The following SLC4A4 variants were observed in gnomAD, a reference collection of about 807,000 sequenced individuals.
SLC4A4 encodes solute carrier family 4 member 4.
Under a neutral mutation model 111.5 loss-of-function variants are expected in SLC4A4, and 27 were observed. The observed-to-expected ratio is 0.24, with a 90% CI of 0.18 to 0.33. The LOEUF is 0.33. Among genes scored for constraint, SLC4A4 ranks in the 10% least tolerant of loss-of-function variants. The probability of loss-of-function intolerance (pLI) is 1.00; values close to 1 mark genes in which losing one functional copy is unlikely to be tolerated. For synonymous variants in SLC4A4, 443 were observed against 463.4 expected (o/e 0.96, Z 0.57); for missense variants, 909 against 1,315.5 (o/e 0.69, Z 4.78).
chr4:71,227,822 A>T (rs1278510225), intron 1 of SLC4A4, among the ~76,000 whole-genome samples: 2 of 152,190 alleles, frequency 1.3e-5, no homozygotes, highest in South Asian at 2.1e-4. Context: ...AAGAAGGGTG[A>T]TTGAAAGCTA....
chr4:71,405,292 A>G (rs759454098), intron 7 of SLC4A4, among the ~76,000 whole-genome samples: 2 of 152,150 alleles, frequency 1.3e-5, no homozygotes, highest in Non-Finnish European at 2.9e-5. Context: ...AACTGCCATT[A>G]GCAGCTTGAT....
chr4:71,164,776 A>G (rs1744699768), intron 2 of SLC4A4, among the ~76,000 whole-genome samples: 1 of 152,198 alleles, frequency 6.6e-6, no homozygotes, highest in South Asian at 2.1e-4. Flanking sequence ...AACCCACAGA[A>G]TGGGAGAAAG....
At position 71,569,397 on chromosome 4, in the gene SLC4A4, G is replaced by A. The variant is rs1737763102; in HGVS notation, c.*1646G>A. ...CATGCAATTTTTTTCAGGATGCAAA[G>A]GCAATTATTCTTTGTAAGCGGGACA... On this transcript the variant is annotated 3_prime_UTR_variant, in exon 26 of 26. Coordinates refer to ENST00000264485, the MANE Select transcript of SLC4A4 (RefSeq NM_001098484.3). The A allele has an allele frequency of 6.6e-6, 1 of 151,454 alleles. No individual in the cohort carries two copies. The highest frequency in any genetic ancestry group is 2.4e-5 in the African/African-American group (1 of 41,310). The allele number at this position is 151,454 out of a possible 1,614,324, so 9.4% of individuals were successfully genotyped here.
At position 71,097,862 on chromosome 4, in the gene SLC4A4, C is replaced by A. The variant is rs141993460; in HGVS notation, c.-2+5070C>A. Among the ~76,000 whole-genome samples, 5 of 152,010 alleles carry A rather than the reference C, an allele frequency of 3.3e-5. No individual in the cohort carries two copies. The East Asian group carries it at 7.7e-4, about 24-fold the overall frequency. On this transcript the variant is annotated intron_variant, in intron 2 of 26. Coordinates refer to the SLC4A4 transcript ENST00000649996. ...TGTTCATGTCCTTTGCCCACTTTTTCATGGGATTGAAGTTTTTCTCGTATA... is the reference window on the plus strand; with the variant it reads ...TGTTCATGTCCTTTGCCCACTTTTTAATGGGATTGAAGTTTTTCTCGTATA...
At chr4:71,566,238 T>C (rs998855059) in intron 24 of SLC4A4, among the ~76,000 whole-genome samples, 2 of 141,786 alleles carry the variant, frequency 1.4e-5, no homozygotes, top group African/African-American at 5.1e-5. Flanking sequence ...CTTTTTGAGT[T>C]TAAACTCCTC....
chr4:71,165,855 G>A (rs766167608), intron 2 of SLC4A4, among the ~76,000 whole-genome samples: 6 of 151,682 alleles, frequency 4.0e-5, no homozygotes, highest in African/African-American at 9.7e-5. Flanking sequence ...TGCTAGGTGC[G>A]TTAGTTTACT....
chr4:71,383,383 C>A (rs537175573), intron 6 of SLC4A4, among the ~76,000 whole-genome samples: 1 of 152,132 alleles, frequency 6.6e-6, no homozygotes, highest in Non-Finnish European at 1.5e-5. Context: ...TATTGGTTTG[C>A]CTAAAGTCAT....
intron 3 of SLC4A4, among the ~76,000 whole-genome samples, chr4:71,279,067 A>G (rs1441527626): frequency 2.0e-5 from 3 of 152,298 alleles, no homozygotes; most frequent in Middle Eastern, 6.8e-3. Context: ...TCATGTAGTT[A>G]TCATTTTTTG....
At chr4:71,124,987 T>G (rs552486382) in intron 2 of SLC4A4, among the ~76,000 whole-genome samples, 16 of 152,360 alleles carry the variant, frequency 1.1e-4, no homozygotes, top group African/African-American at 3.4e-4. Context: ...CAGATGATCA[T>G]GTATTGCTTA....
chr4:71,344,804 T>C (rs1337093367), intron 4 of SLC4A4, among the ~76,000 whole-genome samples: 2 of 151,876 alleles, frequency 1.3e-5, no homozygotes, highest in Non-Finnish European at 2.9e-5. Flanking sequence ...AGATCTGAAG[T>C]TCAGTTTAGG....
intron 15 of SLC4A4, among the ~76,000 whole-genome samples, chr4:71,491,737 T>C (rs941106977): frequency 1.3e-5 from 2 of 152,020 alleles, no homozygotes; most frequent in African/African-American, 4.8e-5. Context: ...ACATTTATTT[T>C]AACATTTAAT....
At chr4:71,238,953 C>T (rs1196768549) in intron 2 of SLC4A4, among the ~76,000 whole-genome samples, 1 of 152,072 alleles carries the variant, frequency 6.6e-6, no homozygotes, top group Non-Finnish European at 1.5e-5. Flanking sequence ...GTTAAGACCT[C>T]TAAGAAGTAT....
intron 15 of SLC4A4, among the ~76,000 whole-genome samples, chr4:71,493,830 A>G (rs1325266798): frequency 1.3e-5 from 2 of 151,964 alleles, no homozygotes; most frequent in Non-Finnish European, 2.9e-5. Flanking sequence ...TTAACCTTGC[A>G]ATTTGCATAT....
intron 3 of SLC4A4, among the ~76,000 whole-genome samples, chr4:71,309,434 A>G (rs1389241639): frequency 6.6e-6 from 1 of 152,160 alleles, no homozygotes; most frequent in Non-Finnish European, 1.5e-5. Flanking sequence ...CCTGACTGAG[A>G]GAGACCTCCC....
At position 71,297,585 on chromosome 4, in the gene SLC4A4, C is replaced by CTT. The variant is rs112132682; in HGVS notation, c.254-41766_254-41765dup. 3.2e-4 allele frequency among the ~76,000 whole-genome samples: 37 copies of CTT among 115,032 alleles called. No individual in the cohort carries two copies. The South Asian group carries it at 5.8e-3, about 18-fold the overall frequency. 75.5% of individuals were successfully genotyped at this position (115,032 alleles called of 152,430 possible). On this transcript the variant is annotated intron_variant, in intron 3 of 25. Transcript: ENST00000264485. The stretch of plus-strand genomic sequence containing the variant: ...AAAAGAAATGAATGTATTGGTGAAT[C>CTT]TTTTTTTTTTTTTTTTTTTTGAGTT...
chr4:71,303,713 T>C lies in SLC4A4; in HGVS notation c.254-35657T>C, dbSNP rs187517060. ...AGCTATAGCATCCCAGCTAGGTGTT[T>C]TTCACATCTCTTTTTCTTCCCTTCG... On this transcript the variant is annotated intron_variant, in intron 3 of 25. Transcript: ENST00000264485. 5.0e-3 allele frequency among the ~76,000 whole-genome samples: 757 copies of C among 152,238 alleles called. 6 individuals carry two copies. The highest frequency in any genetic ancestry group is 0.023 in the Admixed American group (348 of 15,280).
intron 3 of SLC4A4, among the ~76,000 whole-genome samples, chr4:71,277,626 C>T (rs1022236292): frequency 8.9e-5 from 13 of 145,570 alleles, no homozygotes; most frequent in Middle Eastern, 3.3e-3. Context: ...TTCCTTCCTT[C>T]CTCTCTCTCT....
rs1173414478 is a variant in SLC4A4 at position 71,569,808 on chromosome 4, G to A, written c.*2057G>A. ...TCCTGAGTTAGCTGTTACTTTTACAGTACCTGATACTCCTAAAACTTTTAA... is the reference window on the plus strand; with the variant it reads ...TCCTGAGTTAGCTGTTACTTTTACAATACCTGATACTCCTAAAACTTTTAA... On this transcript the variant is annotated 3_prime_UTR_variant, in exon 26 of 26. Coordinates refer to ENST00000264485, the MANE Select transcript of SLC4A4 (RefSeq NM_001098484.3). 6.6e-6 allele frequency: 1 copy of A among 151,538 alleles called. No individual in the cohort carries two copies. The highest frequency in any genetic ancestry group is 1.9e-4 in the East Asian group (1 of 5,134). 9.4% of individuals were successfully genotyped at this position (151,538 alleles called of 1,614,324 possible).
intron 16 of SLC4A4, among the ~76,000 whole-genome samples, chr4:71,505,413 A>G (rs1731326322): frequency 6.6e-6 from 1 of 150,536 alleles, no homozygotes. Flanking sequence ...AGAGGATCTC[A>G]TTGCAGTTTT....
Sources: allele counts gnomAD v4.1 joint callset (sites outside exome capture counted in the v4.1 genomes callset), GRCh38; gene constraint gnomAD v4.1.1; transcripts MANE v1.5; gene names NCBI Gene and HGNC (gene_info 2026-07-23, HGNC 2026-07-21).